Variants in STAR observed in about 807,000 individuals in gnomAD.
STAR encodes the protein steroidogenic acute regulatory protein, mitochondrial.
STAR carries 32 observed loss-of-function variants against 32.3 expected under a neutral mutation model. The ratio of observed to expected loss-of-function variants is 0.99; its 90% CI spans 0.75 to 1.33. STAR has a LOEUF of 1.33. Ranked by LOEUF, STAR falls within the 40% of genes most tolerant of loss-of-function variation. The pLI is 0.00. For synonymous variants in STAR, 134 were observed against 140.5 expected (o/e 0.95, Z 0.33); for missense variants, 375 against 379.0 (o/e 0.99, Z 0.09).
chr8:38,149,577 G>A (rs1484825884), intron 1 of STAR, among the ~76,000 whole-genome samples: 2 of 152,026 alleles, frequency 1.3e-5, no homozygotes, highest in Non-Finnish European at 2.9e-5. Context: ...TTTGCCTGTG[G>A]GAGTCAAGTC....
chr8:38,148,218 C>A lies in STAR; in HGVS notation c.288G>T (p.Trp96Cys). 1 of 1,614,092 alleles carries A rather than the reference C, an allele frequency of 6.2e-7. No individual in the cohort carries two copies. Among genetic ancestry groups the A allele is most frequent in the Non-Finnish European group, 8.5e-7 (1 of 1,179,996 alleles). ...ALGILSNQEGWKKESQQDNGD... is the reference protein window; with the variant it reads ...ALGILSNQEGCKKESQQDNGD... ...CACTTACCTGCTGACTCTCCTTCTT[C>A]CAGCCCTCTTGGTTGCTAAGGATGC... is the stretch of plus-strand genomic sequence containing the variant. Residue 96 changes from tryptophan to cysteine, a missense_variant, in exon 3 of 7, where the codon TGG (tryptophan) becomes TGT (cysteine). Coordinates refer to ENST00000276449, the MANE Select transcript of STAR (RefSeq NM_000349.3).
At chr8:38,144,455 C>A in intron 6 of STAR, 69 bp from the exon 7 acceptor site, 1 of 1,545,734 alleles carries the variant, frequency 6.5e-7, no homozygotes, top group Non-Finnish European at 8.7e-7. Flanking sequence ...TGCACCCTAT[C>A]ACAAACAGGC....
intron 3 of STAR, among the ~76,000 whole-genome samples, chr8:38,147,635 GGGCAGCATGTCAGCTTTT>G (rs1802596605): frequency 6.6e-6 from 1 of 152,188 alleles, no homozygotes; most frequent in South Asian, 2.1e-4. Context: ...TTTGTGTAGT[GGGCAGCATGTCAGCTTTT>G]GCTGAAGGTA....
rs768592808 is a variant in STAR at position 38,146,418 on chromosome 8, C to T, written c.336G>A (p.Val112=). 1.2e-6 allele frequency: 2 copies of T among 1,614,018 alleles called. No individual in the cohort carries two copies. The highest frequency in any genetic ancestry group is 2.7e-5 in the African/African-American group (2 of 74,934). ...QDNGDKVMSK[V]VPDVGKVFRL... ...GGAACACCTTGCCCACATCTGGGAC[C>T]ACTTTACTCATCACTTTGTCCCCAT... Residue 112 remains valine, a synonymous_variant, in exon 4 of 7, where the codon GTG becomes GTA. Coordinates refer to ENST00000276449, the MANE Select transcript of STAR (RefSeq NM_000349.3).
intron 4 of STAR, 45 bp from the exon 5 acceptor site, chr8:38,146,192 G>T (rs758984380): frequency 1.9e-6 from 3 of 1,613,596 alleles, no homozygotes; most frequent in South Asian, 2.2e-5. Flanking sequence ...GCCTGTGTTG[G>T]GCTAAGCACC....
At chr8:38,147,286 T>A (rs1202506732) in intron 3 of STAR, among the ~76,000 whole-genome samples, 1 of 152,174 alleles carries the variant, frequency 6.6e-6, no homozygotes, top group African/African-American at 2.4e-5. Flanking sequence ...GGACCCTTTG[T>A]CTTGGTGGTG....
In STAR at chr8:38,145,986, C is replaced by A. The variant is rs772277744; in HGVS notation, c.627G>T (p.Met209Ile). ...ACCTGATGACACCCTTCTGCTCAGG[C>A]ATGTTCCCGAAGTCTGTGGCCATGC... is the stretch of plus-strand genomic sequence containing the variant. ...LAGMATDFGNMPEQKGVIRAE... is the reference protein window; with the variant it reads ...LAGMATDFGNIPEQKGVIRAE... The change falls in exon 5 of 7, where the codon ATG becomes ATT. Residue 209 changes from methionine to isoleucine, a missense_variant. Physicochemically the swap from Met to Ile is conservative, Grantham distance 10 (BLOSUM62 1). Coordinates refer to ENST00000276449, the MANE Select transcript of STAR (RefSeq NM_000349.3). 1 of 1,614,140 alleles carries A rather than the reference C, an allele frequency of 6.2e-7. No homozygotes were observed. Among genetic ancestry groups the A allele is most frequent in the South Asian group, 1.1e-5 (1 of 91,074 alleles).
At chr8:38,146,879 G>T (rs1336794834) in intron 3 of STAR, among the ~76,000 whole-genome samples, 3 of 151,908 alleles carry the variant, frequency 2.0e-5, no homozygotes, top group Non-Finnish European at 4.4e-5. Context: ...GCACGAGGAA[G>T]CCTGGAACTG....
chr8:38,146,842 G>C (rs1010785848), intron 3 of STAR, among the ~76,000 whole-genome samples: 6 of 151,636 alleles, frequency 4.0e-5, no homozygotes, highest in Admixed American at 2.6e-4. Flanking sequence ...AGATGGGGAG[G>C]GGAACAGCAA....
intron 5 of STAR, 179 bp downstream of exon 5, chr8:38,145,784 G>A: frequency 1.3e-6 from 1 of 751,860 alleles, no homozygotes; most frequent in Non-Finnish European, 2.2e-6. Flanking sequence ...GGCTGTCCAA[G>A]TAGGGCCTAT....
chr8:38,148,747 C>G lies in STAR; in HGVS notation c.72G>C (p.Arg24Ser). The G allele has an allele frequency of 6.2e-7, 1 of 1,613,482 alleles. No homozygotes were observed. The highest frequency in any genetic ancestry group is 2.2e-5 in the East Asian group (1 of 44,884). ...YRHMRNMKGL[R>S]QQAVMAISQE... ...GGCTGATGGCCATCACAGCCTGTTG[C>G]CTCAGCCCTGCAGAAGGGAATAACC... Residue 24 changes from arginine (R) to serine (S), a missense_variant, in exon 2 of 7, where the codon AGG (arginine) becomes AGC (serine). Coordinates refer to ENST00000276449, the MANE Select transcript of STAR (RefSeq NM_000349.3).
chr8:38,148,091 C>G lies in STAR; in HGVS notation c.306+109G>C, dbSNP rs563822317. The G allele has an allele frequency of 1.4e-5, 21 of 1,471,548 alleles. No individual in the cohort carries two copies. In the Admixed American group the frequency reaches 2.2e-4, roughly 15 times the overall value. 91.2% of individuals were successfully genotyped at this position (1,471,548 alleles called of 1,614,324 possible). On this transcript the variant is annotated intron_variant, in intron 3 of 6. Coordinates refer to ENST00000276449, the MANE Select transcript of STAR (RefSeq NM_000349.3). ...TTCTCAAGATAAAACCACTTGCTACCCAGTGACTGCTGCATGAGACAGGAA... is the reference window on the plus strand; with the variant it reads ...TTCTCAAGATAAAACCACTTGCTACGCAGTGACTGCTGCATGAGACAGGAA...
intron 1 of STAR, 32 bp from the exon 2 acceptor site, chr8:38,148,786 T>C (rs1454531966): frequency 1.3e-6 from 2 of 1,579,232 alleles, no homozygotes; most frequent in African/African-American, 1.4e-5. Context: ...GTCTAGGAGC[T>C]GGAAAGCCCC....
chr8:38,149,971 A>T (rs1454431902), intron 1 of STAR, among the ~76,000 whole-genome samples: 1 of 151,836 alleles, frequency 6.6e-6, no homozygotes, highest in Admixed American at 6.6e-5. Context: ...AAATACAAAA[A>T]CTAGCCAGGC....
chr8:38,149,432 G>A (rs550327339), intron 1 of STAR, among the ~76,000 whole-genome samples: 196 of 152,278 alleles, frequency 1.3e-3, no homozygotes, highest in African/African-American at 4.4e-3. Flanking sequence ...CCTTGGATGC[G>A]AATCAGCTCT....
rs1035926713 is a variant in STAR at position 38,145,213 on chromosome 8, GC to G, written c.744+8del. 6.2e-7 allele frequency: 1 copy of G among 1,613,914 alleles called. No individual in the cohort carries two copies. The highest frequency in any genetic ancestry group is 1.3e-5 in the African/African-American group (1 of 74,886). On this transcript the variant is annotated splice_region_variant and intron_variant, in intron 6 of 6. Transcript: ENST00000276449. ...CCTGCCTTCCAGGTCCCCCTCCCAT[GC>G]CCTTCACCTTGAGGTCGATGCTGAG...
chr8:38,144,938 G>A, intron 6 of STAR: 3 of 1,117,422 alleles, frequency 2.7e-6, no homozygotes, highest in Non-Finnish European at 3.5e-6. Context: ...GAATCCGGGA[G>A]GCGGAGGTTA....
In STAR at chr8:38,146,463, G is replaced by T. The variant is rs1277915172; in HGVS notation, c.307-16C>A. On this transcript the variant is annotated splice_polypyrimidine_tract_variant and intron_variant, in intron 3 of 6. Coordinates refer to ENST00000276449, the MANE Select transcript of STAR (RefSeq NM_000349.3). ...CCCCATTGTCCTGTCAGAGAAAGGA[G>T]CCCCCAGAAGGTGGTTAGACAAAAA... The T allele has an allele frequency of 6.2e-7, 1 of 1,613,194 alleles. No individual in the cohort carries two copies.
At position 38,143,135 on chromosome 8, in the gene STAR, T is replaced by C. The variant is rs935769462; in HGVS notation, c.*1138A>G. Among the ~76,000 whole-genome samples the C allele has an allele frequency of 1.3e-5, 2 of 152,184 alleles. No individual in the cohort carries two copies. Among genetic ancestry groups the C allele is most frequent in the African/African-American group, 2.4e-5 (1 of 41,448 alleles). On this transcript the variant is annotated 3_prime_UTR_variant, in exon 7 of 7. Transcript: ENST00000276449. ...ATTCTTTAAGAACTCATTTAGGTTA[T>C]GATTATGGAAATTAAATTTTTATGA...
Sources: gnomAD v4.1 joint callset for allele counts (sites outside exome capture counted in the v4.1 genomes callset) on GRCh38, gnomAD v4.1.1 for gene constraint, MANE v1.5 for transcripts, NCBI Gene and HGNC (gene_info 2026-07-23, HGNC 2026-07-21) for gene names.